Variants in PSD3 observed in about 807,000 individuals in gnomAD.
The protein encoded by PSD3 is pleckstrin and Sec7 domain containing 3.
A neutral mutation model predicts 105.5 loss-of-function variants in PSD3; 49 were observed. That is an observed-to-expected ratio of 0.46 (90% CI 0.37 to 0.59). PSD3 has a LOEUF of 0.59. PSD3 is among the 20% of genes least tolerant of loss of function. PSD3 has a pLI of 0.00. For missense variants in PSD3, 1,561 were observed against 1,263.8 expected (o/e 1.24, Z -3.57); for synonymous variants, 557 against 457.8 (o/e 1.22, Z -2.77).
intron 11 of PSD3, among the ~76,000 whole-genome samples, chr8:18,624,213 C>T (rs536346024): frequency 6.6e-6 from 1 of 152,116 alleles, no homozygotes; most frequent in African/African-American, 2.4e-5. Context: ...AATGATACCA[C>T]TAATACTTTT....
chr8:18,968,515 C>T (rs183212396), intron 1 of PSD3, among the ~76,000 whole-genome samples: 4 of 152,288 alleles, frequency 2.6e-5, no homozygotes, highest in African/African-American at 7.2e-5. Context: ...TCTTTATAGA[C>T]ATCTCAAGAC....
At chr8:18,944,498 G>A (rs1490468232) in intron 1 of PSD3, among the ~76,000 whole-genome samples, 2 of 151,994 alleles carry the variant, frequency 1.3e-5, no homozygotes, top group African/African-American at 4.8e-5. Context: ...TTGAACCCAG[G>A]AGGTGGAGGC....
chr8:18,861,385 A>G (rs540255031), intron 4 of PSD3, among the ~76,000 whole-genome samples: 1 of 152,262 alleles, frequency 6.6e-6, no homozygotes, highest in Admixed American at 6.5e-5. Context: ...CTCACCCTTG[A>G]GAGCCCTCTC....
At chr8:18,985,689 T>G (rs1035731589) in intron 1 of PSD3, among the ~76,000 whole-genome samples, 11 of 152,188 alleles carry the variant, frequency 7.2e-5, no homozygotes, top group Non-Finnish European at 1.5e-4. Context: ...TTCTGGGATT[T>G]GACTACTAAA....
intron 15 of PSD3, among the ~76,000 whole-genome samples, chr8:18,545,307 C>A (rs1800391092): frequency 1.3e-5 from 2 of 152,150 alleles, no homozygotes; most frequent in Admixed American, 1.3e-4. Flanking sequence ...ACAAACAGAG[C>A]AACCTTACGA....
intron 1 of PSD3, among the ~76,000 whole-genome samples, chr8:19,082,558 G>T (rs1209560201): frequency 6.6e-6 from 1 of 152,184 alleles, no homozygotes; most frequent in Admixed American, 6.5e-5. Context: ...CCGAGCAGAT[G>T]TCGGGGTCCC....
At chr8:18,720,050 G>A (rs1314363700) in intron 9 of PSD3, among the ~76,000 whole-genome samples, 1 of 152,050 alleles carries the variant, frequency 6.6e-6, no homozygotes, top group Non-Finnish European at 1.5e-5. Context: ...AGAATTCCAT[G>A]GGCAGTTATG....
In PSD3 at chr8:18,555,147, G is replaced by A. The variant is rs188258890; in HGVS notation, c.2928+1062C>T. On this transcript the variant is annotated intron_variant, in intron 15 of 15. Transcript: ENST00000327040. ...TGGGTTGAACCTCAGAAAAACAACC[G>A]GCCAAAGGATTTAGGATGAACGGAA... is the stretch of plus-strand genomic sequence containing the variant. Among the ~76,000 whole-genome samples, 13 of 152,110 alleles carry A rather than the reference G, an allele frequency of 8.5e-5. No individual in the cohort carries two copies. In the East Asian group the frequency reaches 1.6e-3, roughly 18 times the overall value.
intron 9 of PSD3, among the ~76,000 whole-genome samples, chr8:18,745,065 C>T (rs1275703069): frequency 6.6e-6 from 1 of 152,190 alleles, no homozygotes; most frequent in African/African-American, 2.4e-5. Flanking sequence ...TCAGAGGCTT[C>T]ATGATGTTGA....
chr8:18,915,223 C>T (rs1294778723), intron 2 of PSD3, among the ~76,000 whole-genome samples: 3 of 151,918 alleles, frequency 2.0e-5, no homozygotes, highest in Non-Finnish European at 4.4e-5. Flanking sequence ...ATGTATGACC[C>T]AAAACTACAA....
At chr8:18,750,108 T>C (rs542650866) in intron 9 of PSD3, among the ~76,000 whole-genome samples, 2 of 152,272 alleles carry the variant, frequency 1.3e-5, no homozygotes, top group African/African-American at 2.4e-5. Flanking sequence ...ACGACAGCAA[T>C]ATAAAACTAA....
chr8:18,902,261 C>T (rs779016011), intron 2 of PSD3, among the ~76,000 whole-genome samples: 21 of 152,168 alleles, frequency 1.4e-4, no homozygotes, highest in Non-Finnish European at 2.8e-4. Flanking sequence ...TACGCTTGAT[C>T]AAGTCTTCTA....
chr8:18,879,553 A>C (rs1298608267), intron 2 of PSD3, among the ~76,000 whole-genome samples: 2 of 152,156 alleles, frequency 1.3e-5, no homozygotes, highest in African/African-American at 2.4e-5. Flanking sequence ...GGAGAAACTC[A>C]GGGACACTGA....
chr8:18,796,807 T>A (rs1023070100), intron 8 of PSD3, among the ~76,000 whole-genome samples: 1 of 152,130 alleles, frequency 6.6e-6, no homozygotes, highest in African/African-American at 2.4e-5. Flanking sequence ...AGAATAATGG[T>A]TGATTAGTGT....
chr8:18,548,611 C>G (rs143357066), intron 15 of PSD3, among the ~76,000 whole-genome samples: 1 of 152,306 alleles, frequency 6.6e-6, no homozygotes, highest in African/African-American at 2.4e-5. Context: ...TGCTGAGAGC[C>G]TCCCATTTGC....
chr8:18,656,436 T>C (rs1332017337), intron 9 of PSD3, among the ~76,000 whole-genome samples: 1 of 151,938 alleles, frequency 6.6e-6, no homozygotes, highest in Non-Finnish European at 1.5e-5. Flanking sequence ...GTAGGGGGAC[T>C]GAAGCCAGAC....
intron 4 of PSD3, among the ~76,000 whole-genome samples, chr8:18,839,070 A>G (rs1227010400): frequency 6.6e-6 from 1 of 151,766 alleles, no homozygotes; most frequent in Non-Finnish European, 1.5e-5. Context: ...TAAAAAGGGA[A>G]CTAAAGCTCC....
intron 1 of PSD3, among the ~76,000 whole-genome samples, chr8:19,043,296 G>A (rs1563526698): frequency 6.6e-6 from 1 of 152,094 alleles, no homozygotes; most frequent in Non-Finnish European, 1.5e-5. Flanking sequence ...GGTAGTTCAA[G>A]GTCAAAAACC....
intron 9 of PSD3, chr8:18,684,203 TCCACACACAC>T: frequency 9.0e-6 from 2 of 222,820 alleles, no homozygotes; most frequent in Non-Finnish European, 7.8e-6. Context: ...GTCTCTCTTT[TCCACACACAC>T]ACACACACAC....
Sources: allele counts gnomAD v4.1 joint callset (sites outside exome capture counted in the v4.1 genomes callset), GRCh38; gene constraint gnomAD v4.1.1; transcripts MANE v1.5; gene names NCBI Gene and HGNC (gene_info 2026-07-23, HGNC 2026-07-21).